The following MYH15 variants were observed in gnomAD, a reference collection of about 807,000 sequenced individuals.
MYH15 encodes the protein myosin-15.
In MYH15, 227 loss-of-function variants were observed where a neutral mutation model predicts 240.5. That is an observed-to-expected ratio of 0.94 (90% CI 0.85 to 1.05). MYH15 has a LOEUF of 1.05. MYH15 is among the 50% of genes least tolerant of loss of function. MYH15 has a pLI of 0.00. For synonymous variants in MYH15, 785 were observed against 796.7 expected (o/e 0.99, Z 0.25); for missense variants, 2,217 against 2,247.5 (o/e 0.99, Z 0.27).
intron 25 of MYH15, among the ~76,000 whole-genome samples, chr3:108,431,387 T>C (rs2082778121): frequency 6.6e-6 from 1 of 152,226 alleles, no homozygotes; most frequent in South Asian, 2.1e-4. Context: ...TTTGCTGTGC[T>C]GTTCTTGTGG....
Position 108,410,718 on chromosome 3 carries a change from C to T in MYH15, c.4360G>A (p.Glu1454Lys). 6.2e-7 allele frequency: 1 copy of T among 1,614,180 alleles called. No individual in the cohort carries two copies. The highest frequency in any genetic ancestry group is 1.1e-5 in the South Asian group (1 of 91,080). The change falls in exon 31 of 41, where the codon GAG becomes AAG. Residue 1454 changes from glutamate to lysine, a missense_variant. Glu to Lys is a moderately conservative substitution (Grantham distance 56, BLOSUM62 1). Transcript: ENST00000693548. Reference sequence around the variant, plus strand: ...GAGGCATCCAGCAACGCCTGGGACTCCTCGTGCTTCTGCTTCCAGTCGGCA... The same window carrying T: ...GAGGCATCCAGCAACGCCTGGGACTTCTCGTGCTTCTGCTTCCAGTCGGCA... ...ALADWKQKHEESQALLDASQK... is the reference protein window; with the variant it reads ...ALADWKQKHEKSQALLDASQK...
At chr3:108,537,395 T>C in the MYH15 span, among the ~76,000 whole-genome samples, 2 of 152,198 alleles carry the variant, frequency 1.3e-5, no homozygotes, top group Non-Finnish European at 2.9e-5. Context: ...AAAATTCATA[T>C]GCTGAAATTT....
At chr3:108,521,199 T>A (rs1279134618) in intron 1 of MYH15, among the ~76,000 whole-genome samples, 3 of 152,090 alleles carry the variant, frequency 2.0e-5, no homozygotes, top group Non-Finnish European at 4.4e-5. Context: ...TCTTTCAACA[T>A]TGAGAAAATT....
intron 27 of MYH15, among the ~76,000 whole-genome samples, chr3:108,427,633 C>CAG (rs1208710683): frequency 1.2e-4 from 13 of 110,968 alleles, no homozygotes; most frequent in African/African-American, 3.9e-4. Flanking sequence ...CACACACACA[C>CAG]ACAGAGAGAG....
intron 1 of MYH15, among the ~76,000 whole-genome samples, chr3:108,525,612 G>A (rs28408032): frequency 0.019 from 2,959 of 152,136 alleles, 106 homozygotes; most frequent in African/African-American, 0.068. Context: ...TAATGCTACT[G>A]GGTGTTTTTT....
At chr3:108,520,418 G>T (rs2083609261) in intron 1 of MYH15, among the ~76,000 whole-genome samples, 2 of 152,128 alleles carry the variant, frequency 1.3e-5, no homozygotes, top group South Asian at 4.1e-4. Flanking sequence ...AAAGAAATGG[G>T]CAGACCAGTG....
intron 2 of MYH15, among the ~76,000 whole-genome samples, chr3:108,504,398 C>A (rs539307363): frequency 6.6e-6 from 1 of 152,070 alleles, no homozygotes; most frequent in Non-Finnish European, 1.5e-5. Flanking sequence ...GATTTTTTTA[C>A]GTAACAGATA....
chr3:108,395,179 G>A (rs2082450488), intron 35 of MYH15, among the ~76,000 whole-genome samples: 2 of 152,200 alleles, frequency 1.3e-5, no homozygotes, highest in Admixed American at 6.5e-5. Context: ...TGAGGTGAGA[G>A]GATTGCTTGA....
intron 25 of MYH15, 64 bp downstream of exon 25, chr3:108,437,490 G>T: frequency 1.3e-6 from 2 of 1,546,156 alleles, no homozygotes; most frequent in Non-Finnish European, 8.7e-7. Flanking sequence ...TAAATGAAAT[G>T]AGAAAGCTGT....
the MYH15 span, among the ~76,000 whole-genome samples, chr3:108,536,289 AAAC>A: frequency 1.3e-5 from 2 of 152,142 alleles, no homozygotes; most frequent in African/African-American, 4.8e-5. Flanking sequence ...AAACAAAACA[AAAC>A]AATTGCATGT....
At chr3:108,489,588 G>C (rs2083331630) in intron 9 of MYH15, among the ~76,000 whole-genome samples, 1 of 152,128 alleles carries the variant, frequency 6.6e-6, no homozygotes, top group Non-Finnish European at 1.5e-5. Flanking sequence ...TCAAATAGGG[G>C]CTGGCTCTGA....
intron 1 of MYH15, among the ~76,000 whole-genome samples, chr3:108,507,166 A>G (rs949097349): frequency 6.9e-6 from 1 of 144,898 alleles, no homozygotes; most frequent in African/African-American, 2.5e-5. Flanking sequence ...AGCATATTAT[A>G]TATATGTGTG....
At chr3:108,549,292 C>A in the MYH15 span, among the ~76,000 whole-genome samples, 1 of 149,980 alleles carries the variant, frequency 6.7e-6, no homozygotes, top group East Asian at 1.9e-4. Flanking sequence ...ATGAGGTACA[C>A]AGTCCAACAA....
At chr3:108,516,000 T>A (rs1413165136) in intron 1 of MYH15, among the ~76,000 whole-genome samples, 2 of 152,142 alleles carry the variant, frequency 1.3e-5, no homozygotes, top group Non-Finnish European at 2.9e-5. Context: ...TCAGCACTCA[T>A]CTCTTTCAAT....
chr3:108,529,966 C>T (rs2083701161), upstream of MYH15, among the ~76,000 whole-genome samples: 1 of 152,152 alleles, frequency 6.6e-6, no homozygotes, highest in African/African-American at 2.4e-5. Flanking sequence ...CTTATCAAGT[C>T]ATCAGTAGTG....
At chr3:108,396,346 G>GA (rs35981925) in intron 35 of MYH15, among the ~76,000 whole-genome samples, 4 of 15,926 alleles carry the variant, frequency 2.5e-4, no homozygotes, top group Admixed American at 1.2e-3. Context: ...TAGCAGGGTT[G>GA]GGGGGAGACG....
Position 108,428,900 on chromosome 3 carries a change from T to C in MYH15, c.3313-19A>G. ...TTTGAGTCTGTAGCAAGAAATAATT[T>C]TGACTTTTACTAAGCACTTGTAGCA... On this transcript the variant is annotated intron_variant, in intron 26 of 40. Transcript: ENST00000693548. 1.3e-6 allele frequency: 2 copies of C among 1,580,370 alleles called. No individual in the cohort carries two copies. The highest frequency in any genetic ancestry group is 1.7e-6 in the Non-Finnish European group (2 of 1,167,882).
intron 1 of MYH15, among the ~76,000 whole-genome samples, chr3:108,508,609 A>AT: frequency 6.6e-6 from 1 of 152,370 alleles, no homozygotes; most frequent in Middle Eastern, 3.4e-3. Flanking sequence ...AGAATAATGT[A>AT]TGAAGAAAAG....
intron 20 of MYH15, 141 bp downstream of exon 20, chr3:108,455,595 C>T (rs1245613586): frequency 1.0e-6 from 1 of 979,364 alleles, no homozygotes; most frequent in African/African-American, 1.6e-5. Flanking sequence ...GAAGTTTTCA[C>T]CTTCAGCTAA....
Sources: allele counts gnomAD v4.1 joint callset (sites outside exome capture counted in the v4.1 genomes callset), GRCh38; gene constraint gnomAD v4.1.1; transcripts MANE v1.5; gene names NCBI Gene and HGNC (gene_info 2026-07-23, HGNC 2026-07-21).